TRERF1: variants seen among roughly 807,000 people sequenced by gnomAD.
TRERF1 encodes transcriptional regulating factor 1, also known as transcriptional-regulating factor 1.
TRERF1 carries 27 observed loss-of-function variants against 122.9 expected under a neutral mutation model. The ratio of observed to expected loss-of-function variants is 0.22; its 90% CI spans 0.16 to 0.30. The LOEUF is 0.30. Among genes scored for constraint, TRERF1 ranks in the 10% least tolerant of loss-of-function variants. The pLI, the probability that TRERF1 is intolerant of heterozygous loss-of-function variation, is 1.00. For synonymous variants in TRERF1, 636 were observed against 641.7 expected (o/e 0.99, Z 0.13); for missense variants, 1,248 against 1,560.3 (o/e 0.80, Z 3.37).
rs1360052117 is a variant in TRERF1, at chr6:42,275,804, C to T, written c.-258-5956G>A. On this transcript the variant is annotated intron_variant, in intron 4 of 17. Coordinates refer to ENST00000372922, the Ensembl canonical transcript of TRERF1. The surrounding 1 kb of genome is among the most constrained non-coding windows in gnomAD (Gnocchi z 4.1). ...GACCTCCCAGCACACTTTTTCTATA[C>T]AGGGCCAGCTAGTAAATATTTTCAG... 3.3e-5 allele frequency among the ~76,000 whole-genome samples: 5 copies of T among 152,208 alleles called. No homozygotes were observed. Among genetic ancestry groups the T allele is most frequent in the African/African-American group, 1.2e-4 (5 of 41,452 alleles).
intron 13 of TRERF1, among the ~76,000 whole-genome samples, chr6:42,253,397 AGACAGCCTCCAGGAGGCTG>A (rs899257470): frequency 2.0e-5 from 3 of 152,176 alleles, no homozygotes; most frequent in Non-Finnish European, 2.9e-5. Context: ...AAGAAGCTTG[AGACAGCCTCCAGGAGGCTG>A]GACAGCCTCT....
At chr6:42,434,399 C>T (rs1203436579) in intron 2 of TRERF1, among the ~76,000 whole-genome samples, 1 of 150,646 alleles carries the variant, frequency 6.6e-6, no homozygotes, top group Non-Finnish European at 1.5e-5. Context: ...AAAACAAAGC[C>T]AAAGAGAAAA....
intron 2 of TRERF1, among the ~76,000 whole-genome samples, chr6:42,415,123 C>T (rs949150058): frequency 6.6e-6 from 1 of 152,160 alleles, no homozygotes. Context: ...CTTATTGCAG[C>T]TCTGATTTGT....
In TRERF1 at chr6:42,276,523, C is replaced by T. The variant is rs1227594076; in HGVS notation, c.-258-6675G>A. 6.6e-6 allele frequency among the ~76,000 whole-genome samples: 1 copy of T among 152,214 alleles called. No individual in the cohort carries two copies. Among genetic ancestry groups the T allele is most frequent in the Non-Finnish European group, 1.5e-5 (1 of 68,038 alleles). On this transcript the variant is annotated intron_variant, in intron 4 of 17. Transcript: ENST00000372922. This position sits in a 1 kb window ranked among gnomAD's most constrained non-coding sequence, Gnocchi z 4.3. ...CTCTTAGTCCAGCTCACTCCCAGCT[C>T]CCCTAAGCAGGCAGGAGCCAAGGGC...
intron 2 of TRERF1, among the ~76,000 whole-genome samples, chr6:42,410,446 A>T (rs1582068306): frequency 6.6e-6 from 1 of 151,988 alleles, no homozygotes; most frequent in East Asian, 1.9e-4. Context: ...ACTGTACCTG[A>T]TCTCAACACT....
At chr6:42,266,738 T>C (rs780585533) in intron 5 of TRERF1, among the ~76,000 whole-genome samples, 3 of 152,180 alleles carry the variant, frequency 2.0e-5, no homozygotes, top group Non-Finnish European at 2.9e-5. Flanking sequence ...GCCCAGCACA[T>C]AGTAGGCTGT....
chr6:42,233,611 C>T (rs1445932554), intron 16 of TRERF1, among the ~76,000 whole-genome samples: 1 of 152,002 alleles, frequency 6.6e-6, no homozygotes, highest in Non-Finnish European at 1.5e-5. Flanking sequence ...ATGATAACTA[C>T]CTCCTTCTTT....
At chr6:42,452,100 A>C (rs1582331640), upstream of TRERF1, 3 of 121,100 alleles carry the variant, frequency 2.5e-5, no homozygotes, top group Non-Finnish European at 3.5e-5. Context: ...TTCACCCATT[A>C]CCCACCCCTA....
intron 2 of TRERF1, among the ~76,000 whole-genome samples, chr6:42,384,788 AT>A (rs372965180): frequency 1.3e-5 from 2 of 151,210 alleles, no homozygotes; most frequent in Non-Finnish European, 3.0e-5. Flanking sequence ...TTTTATTTTT[AT>A]TTGTTCATTT....
At position 42,307,695 on chromosome 6, in the gene TRERF1, A is replaced by G. The variant is rs572244923; in HGVS notation, c.-370-6946T>C. 3.1e-3 allele frequency among the ~76,000 whole-genome samples: 473 copies of G among 151,652 alleles called. 4 individuals carry two copies. Among genetic ancestry groups the G allele is most frequent in the African/African-American group, 0.011 (446 of 40,996 alleles). On this transcript the variant is annotated intron_variant, in intron 3 of 17. Coordinates refer to ENST00000372922, the Ensembl canonical transcript of TRERF1. ...AGGGGAGAGGTAAATGTATGAAAAAAAAAAAAAAAAGATCCGATCGCTATT... is the reference window on the plus strand; with the variant it reads ...AGGGGAGAGGTAAATGTATGAAAAAGAAAAAAAAAAGATCCGATCGCTATT...
At chr6:42,265,663 G>T in intron 6 of TRERF1, 88 bp downstream of exon 6, 3 of 1,349,596 alleles carry the variant, frequency 2.2e-6, no homozygotes, top group South Asian at 1.2e-5. Context: ...TTTGAGGAAT[G>T]ACTTGGAATT....
chr6:42,246,919 G>A (rs536201004), intron 13 of TRERF1, among the ~76,000 whole-genome samples: 1 of 152,290 alleles, frequency 6.6e-6, no homozygotes, highest in African/African-American at 2.4e-5. Flanking sequence ...CAGTTTTAAC[G>A]TAATTATCAT....
At chr6:42,416,142 T>C (rs1781803922) in intron 2 of TRERF1, among the ~76,000 whole-genome samples, 1 of 152,216 alleles carries the variant, frequency 6.6e-6, no homozygotes, top group African/African-American at 2.4e-5. Flanking sequence ...CTGATTTTTG[T>C]GCATTAACTA....
chr6:42,420,557 A>C (rs915517905), intron 2 of TRERF1, among the ~76,000 whole-genome samples: 2 of 152,244 alleles, frequency 1.3e-5, no homozygotes, highest in East Asian at 3.8e-4. Context: ...TATAGAAATT[A>C]TAAAGTTAAT....
intron 2 of TRERF1, among the ~76,000 whole-genome samples, chr6:42,410,585 T>A (rs1026097512): frequency 6.6e-6 from 1 of 152,176 alleles, no homozygotes; most frequent in Admixed American, 6.5e-5. Context: ...ACCTCACCTT[T>A]ATTTTTTTAC....
At chr6:42,274,968 C>T (rs1237493564) in intron 4 of TRERF1, among the ~76,000 whole-genome samples, 1 of 152,162 alleles carries the variant, frequency 6.6e-6, no homozygotes, top group African/African-American at 2.4e-5. Context: ...CACCCCCATC[C>T]CCAGCCACCC....
chr6:42,390,017 C>T (rs1447265559), intron 2 of TRERF1, among the ~76,000 whole-genome samples: 1 of 152,136 alleles, frequency 6.6e-6, no homozygotes, highest in South Asian at 2.1e-4. Context: ...AGTTAATATA[C>T]GTGGGCCCTT....
intron 4 of TRERF1, among the ~76,000 whole-genome samples, chr6:42,282,314 G>A (rs1294438759): frequency 6.6e-6 from 1 of 152,226 alleles, no homozygotes; most frequent in Non-Finnish European, 1.5e-5. Flanking sequence ...TTGGGAGGAT[G>A]AGGCAGGAGG....
At chr6:42,313,265 G>C (rs1238728801) in intron 3 of TRERF1, among the ~76,000 whole-genome samples, 1 of 152,164 alleles carries the variant, frequency 6.6e-6, no homozygotes, top group Non-Finnish European at 1.5e-5. Context: ...GCAGAGAGGA[G>C]ACCTTGTAAA....
Sources: gnomAD v4.1 joint callset for allele counts (sites outside exome capture counted in the v4.1 genomes callset) on GRCh38, gnomAD v4.1.1 for gene constraint, Gnocchi (gnomAD v3.1) non-coding constraint, MANE v1.5 for transcripts, NCBI Gene and HGNC (gene_info 2026-07-23, HGNC 2026-07-21) for gene names.